CYP27C1: variants seen among roughly 807,000 people sequenced by gnomAD.
The protein encoded by CYP27C1 is cytochrome P450 family 27 subfamily C member 1.
Under a neutral mutation model 40.6 loss-of-function variants are expected in CYP27C1, and 29 were observed. The ratio of observed to expected loss-of-function variants is 0.71; its 90% confidence interval spans 0.53 to 0.97. The LOEUF is 0.97. Ranked by LOEUF, CYP27C1 falls within the 50% of genes least tolerant of loss-of-function variation. The pLI is 0.00. For synonymous variants in CYP27C1, 198 were observed against 186.8 expected (o/e 1.06, Z -0.49); for missense variants, 390 against 485.8 (o/e 0.80, Z 1.85).
At chr2:127,210,596 G>A (rs768529449) in intron 1 of CYP27C1, among the ~76,000 whole-genome samples, 5 of 151,880 alleles carry the variant, frequency 3.3e-5, no homozygotes, top group African/African-American at 9.7e-5. Flanking sequence ...ACCCATCAGC[G>A]TGCTGTATTC....
rs1267034331 is a variant in CYP27C1, at chr2:127,209,910, G to A, written c.283-3820C>T. On this transcript the variant is annotated intron_variant, in intron 1 of 8. Transcript: ENST00000664447. This position sits in a 1 kb window ranked among gnomAD's most constrained non-coding sequence, Gnocchi z 4.1. ...ATCGACTGGAGCACCAGAAGGAGACGGGGAGAATGGAAACAAGCTGGAAAA... is the reference window on the plus strand; with the variant it reads ...ATCGACTGGAGCACCAGAAGGAGACAGGGAGAATGGAAACAAGCTGGAAAA... Among the ~76,000 whole-genome samples the A allele has an allele frequency of 3.3e-5, 5 of 152,160 alleles. No homozygotes were observed. The highest frequency in any genetic ancestry group is 2.6e-4 in the Admixed American group (4 of 15,278).
chr2:127,210,133 A>G (rs754219124), intron 1 of CYP27C1, among the ~76,000 whole-genome samples: 20 of 152,254 alleles, frequency 1.3e-4, no homozygotes, highest in Non-Finnish European at 2.6e-4. Context: ...CAGGTCACCT[A>G]CAAAGGGAAG....
At chr2:127,214,901 G>A (rs952448607) in intron 1 of CYP27C1, among the ~76,000 whole-genome samples, 8 of 150,722 alleles carry the variant, frequency 5.3e-5, no homozygotes, top group African/African-American at 2.0e-4. Context: ...GGCCGAGGTG[G>A]GCAGATCACG....
chr2:127,197,877 T>C (rs1168934574), intron 5 of CYP27C1, among the ~76,000 whole-genome samples: 1 of 151,866 alleles, frequency 6.6e-6, no homozygotes, highest in Non-Finnish European at 1.5e-5. Flanking sequence ...CCCCGGACCA[T>C]GCCACCCCCA....
At chr2:127,212,987 A>G (rs1488905263) in intron 1 of CYP27C1, among the ~76,000 whole-genome samples, 1 of 152,204 alleles carries the variant, frequency 6.6e-6, no homozygotes, top group Non-Finnish European at 1.5e-5. Flanking sequence ...TATAAAATCA[A>G]TGTGCAAAAA....
intron 8 of CYP27C1, among the ~76,000 whole-genome samples, chr2:127,191,980 C>A (rs1444134663): frequency 1.3e-5 from 2 of 152,188 alleles, no homozygotes; most frequent in African/African-American, 2.4e-5. Flanking sequence ...GGGCAGTAGA[C>A]CCTTACCTTC....
intron 2 of CYP27C1, among the ~76,000 whole-genome samples, chr2:127,204,555 G>A (rs12692062): frequency 0.059 from 2,291 of 38,766 alleles, 223 homozygotes; most frequent in African/African-American, 0.093. Context: ...GAGAGAGAGA[G>A]AGAAAGAAAG....
At chr2:127,193,393 G>T in intron 7 of CYP27C1, 96 bp from the exon 8 acceptor site, 1 of 1,486,492 alleles carries the variant, frequency 6.7e-7, no homozygotes, top group Non-Finnish European at 9.2e-7. Flanking sequence ...CTCCCGGGGT[G>T]CTCCCGCCTG....
chr2:127,213,307 G>A (rs936600398), intron 1 of CYP27C1, among the ~76,000 whole-genome samples: 6 of 143,096 alleles, frequency 4.2e-5, no homozygotes, highest in Non-Finnish European at 4.7e-5. Context: ...CACAGAATTA[G>A]AAAAAAAAAA....
chr2:127,188,871 C>A (rs1682698916), intron 8 of CYP27C1, among the ~76,000 whole-genome samples: 1 of 152,162 alleles, frequency 6.6e-6, no homozygotes, highest in Non-Finnish European at 1.5e-5. Context: ...AATGGGGACG[C>A]AGGCGGAACT....
At chr2:127,212,435 C>T (rs748024195) in intron 1 of CYP27C1, among the ~76,000 whole-genome samples, 15 of 152,292 alleles carry the variant, frequency 9.8e-5, no homozygotes, top group Middle Eastern at 3.4e-3. Context: ...ACTGGCAAAC[C>T]GAATCCAGCA....
intron 1 of CYP27C1, among the ~76,000 whole-genome samples, chr2:127,217,713 A>G (rs148897678): frequency 4.6e-5 from 7 of 152,206 alleles, no homozygotes; most frequent in African/African-American, 1.7e-4. Flanking sequence ...TAACCACCCA[A>G]CTCTTTCCAT....
rs180814673 is a variant in CYP27C1 at position 127,200,137 on chromosome 2, G to A, written c.884-598C>T. Among the ~76,000 whole-genome samples the A allele has an allele frequency of 1.3e-5, 2 of 152,224 alleles. No individual in the cohort carries two copies. Among genetic ancestry groups the A allele is most frequent in the Admixed American group, 6.5e-5 (1 of 15,276 alleles). On this transcript the variant is annotated intron_variant, in intron 4 of 8. Transcript: ENST00000664447. The surrounding 1 kb of genome is among the most constrained non-coding windows in gnomAD (Gnocchi z 4.2). ...TGGAATTACAGGCACGCGCCACCAC[G>A]CCCAGCTAATTTTTGTATTTTTAGT...
chr2:127,189,056 T>A (rs984674225), intron 8 of CYP27C1, among the ~76,000 whole-genome samples: 1 of 152,140 alleles, frequency 6.6e-6, no homozygotes, highest in East Asian at 1.9e-4. Flanking sequence ...CATGTGGACA[T>A]GTGGGTCTCC....
intron 1 of CYP27C1, among the ~76,000 whole-genome samples, chr2:127,214,410 G>A (rs746105237): frequency 8.5e-5 from 13 of 152,152 alleles, no homozygotes; most frequent in Admixed American, 2.6e-4. Context: ...CAAGGACATG[G>A]AACCAACCCA....
Position 127,201,074 on chromosome 2 carries a change from G to A in CYP27C1, c.883+48C>T, listed in dbSNP as rs760010549. ...TGGATGAGAGTTAGACACACAACACGGCAGGTCAACCTGCTTCTGCAAAAG... is the reference window on the plus strand; with the variant it reads ...TGGATGAGAGTTAGACACACAACACAGCAGGTCAACCTGCTTCTGCAAAAG... On this transcript the variant is annotated intron_variant, in intron 4 of 8. Transcript: ENST00000664447. This position sits in a 1 kb window ranked among gnomAD's most constrained non-coding sequence, Gnocchi z 6.0. 13 of 1,563,322 alleles carry A rather than the reference G, an allele frequency of 8.3e-6. No individual in the cohort carries two copies. The highest frequency in any genetic ancestry group is 2.7e-5 in the African/African-American group (2 of 73,808).
At chr2:127,213,188 A>ACATTC (rs920932806) in intron 1 of CYP27C1, among the ~76,000 whole-genome samples, 3 of 152,204 alleles carry the variant, frequency 2.0e-5, no homozygotes, top group Non-Finnish European at 2.9e-5. Flanking sequence ...AAATGGAAAA[A>ACATTC]CATTCCATCC....
At chr2:127,206,159 C>G (rs140981336) in intron 1 of CYP27C1, among the ~76,000 whole-genome samples, 69 bp from the exon 2 acceptor site, 160 of 152,320 alleles carry the variant, frequency 1.1e-3, no homozygotes, top group Middle Eastern at 6.8e-3. Context: ...ACATAAACAT[C>G]CTGTGTGCTA....
intron 8 of CYP27C1, among the ~76,000 whole-genome samples, chr2:127,190,960 C>T (rs1395477780): frequency 7.1e-6 from 1 of 140,202 alleles, no homozygotes; most frequent in African/African-American, 2.7e-5. Flanking sequence ...AAAAAAAAAT[C>T]ATGGGCCAGG....
Sources: gnomAD v4.1 joint callset for allele counts (sites outside exome capture counted in the v4.1 genomes callset) on GRCh38, gnomAD v4.1.1 for gene constraint, Gnocchi (gnomAD v3.1) non-coding constraint, MANE v1.5 for transcripts, NCBI Gene and HGNC (gene_info 2026-07-23, HGNC 2026-07-21) for gene names.